The following PIGK variants were observed in gnomAD, a reference collection of about 807,000 sequenced individuals.
The protein encoded by PIGK is GPI-anchor transamidase.
A neutral mutation model predicts 50.6 loss-of-function variants in PIGK; 42 were observed. The observed-to-expected ratio is 0.83, with a 90% confidence interval of 0.65 to 1.07. PIGK has a LOEUF of 1.07. Ranked by LOEUF, PIGK falls within the 50% of genes least tolerant of loss-of-function variation. The probability of loss-of-function intolerance (pLI) is 0.00; values close to 1 mark genes in which losing one functional copy is unlikely to be tolerated. For synonymous variants in PIGK, 151 were observed against 156.0 expected, an observed-to-expected ratio of 0.97 and a Z score of 0.24; for missense variants, 448 against 488.7, an observed-to-expected ratio of 0.92 and a Z score of 0.78.
chr1:77,161,823 C>A, intron 6 of PIGK, 112 bp from the exon 7 acceptor site: 1 of 667,176 alleles, frequency 1.5e-6, no homozygotes, highest in East Asian at 2.5e-5. Context: ...ATTTCATTAG[C>A]TAAAAGTTTT....
chr1:77,177,481 A>G (rs1357499979), intron 3 of PIGK, among the ~76,000 whole-genome samples: 1 of 152,250 alleles, frequency 6.6e-6, no homozygotes, highest in Non-Finnish European at 1.5e-5. Context: ...TAACTAGCCA[A>G]AGCCCATCCC....
intron 3 of PIGK, among the ~76,000 whole-genome samples, chr1:77,191,868 A>G (rs979733570): frequency 2.0e-5 from 3 of 152,232 alleles, no homozygotes; most frequent in Non-Finnish European, 4.4e-5. Context: ...TCTACAAAAA[A>G]TACAAAAATT....
At chr1:77,158,921 G>C (rs953936447) in intron 8 of PIGK, among the ~76,000 whole-genome samples, 5 of 152,194 alleles carry the variant, frequency 3.3e-5, no homozygotes, top group African/African-American at 1.2e-4. Flanking sequence ...TTTCTGAGGA[G>C]AAATTCAAGC....
chr1:77,147,059 T>C (rs1476675692), intron 9 of PIGK, among the ~76,000 whole-genome samples: 2 of 149,180 alleles, frequency 1.3e-5, no homozygotes, highest in Non-Finnish European at 3.0e-5. Flanking sequence ...GGAAGAAAAA[T>C]AGGTTTAATG....
At chr1:77,189,517 G>T (rs1055825787) in intron 3 of PIGK, among the ~76,000 whole-genome samples, 2 of 151,822 alleles carry the variant, frequency 1.3e-5, no homozygotes, top group African/African-American at 4.8e-5. Context: ...AGAAAAACAT[G>T]AAAGACTAGA....
intron 8 of PIGK, 123 bp from the exon 9 acceptor site, chr1:77,154,744 T>C: frequency 1.5e-6 from 1 of 661,236 alleles, no homozygotes; most frequent in Non-Finnish European, 2.6e-6. Flanking sequence ...AGAAGCTATG[T>C]GTTCTAAAGA....
At chr1:77,218,071 CTT>C (rs1171738020) in intron 1 of PIGK, among the ~76,000 whole-genome samples, 2 of 152,024 alleles carry the variant, frequency 1.3e-5, no homozygotes, top group African/African-American at 4.8e-5. Flanking sequence ...TGCTCAATAT[CTT>C]TTTTTAACTG....
intron 9 of PIGK, among the ~76,000 whole-genome samples, chr1:77,151,732 A>G (rs1458112612): frequency 6.6e-6 from 1 of 152,144 alleles, no homozygotes; most frequent in Non-Finnish European, 1.5e-5. Context: ...CAAGAAAGCA[A>G]TCTCACTTGC....
At chr1:77,167,703 C>G (rs1435627253) in intron 4 of PIGK, among the ~76,000 whole-genome samples, 1 of 152,172 alleles carries the variant, frequency 6.6e-6, no homozygotes, top group Non-Finnish European at 1.5e-5. Context: ...TATGACATGG[C>G]CACTATACTC....
intron 1 of PIGK, among the ~76,000 whole-genome samples, chr1:77,217,611 T>C (rs1656598862): frequency 6.6e-6 from 1 of 152,166 alleles, no homozygotes; most frequent in African/African-American, 2.4e-5. Context: ...TTACTCTGGC[T>C]TCAATTTGGA....
intron 9 of PIGK, among the ~76,000 whole-genome samples, chr1:77,148,765 A>T (rs1257388457): frequency 6.7e-6 from 1 of 150,118 alleles, no homozygotes; most frequent in Non-Finnish European, 1.5e-5. Context: ...GCCAAGCTGG[A>T]GTGCAGTGGC....
intron 8 of PIGK, among the ~76,000 whole-genome samples, chr1:77,158,173 T>A (rs1047746025): frequency 6.6e-6 from 1 of 151,928 alleles, no homozygotes; most frequent in Admixed American, 6.6e-5. Flanking sequence ...TGTGCCACCA[T>A]GCCCAGCTAA....
At chr1:77,191,151 CT>C (rs1655894756) in intron 3 of PIGK, among the ~76,000 whole-genome samples, 1 of 152,202 alleles carries the variant, frequency 6.6e-6, no homozygotes, top group African/African-American at 2.4e-5. Flanking sequence ...AAGTTACTAT[CT>C]TTCTGATCAT....
In PIGK at chr1:77,195,324, G is replaced by A. The variant is rs903227977; in HGVS notation, c.239+11316C>T. 1.4e-5 allele frequency: 18 copies of A among 1,327,582 alleles called. No individual in the cohort carries two copies. The African/African-American group carries it at 2.5e-4, about 18-fold the overall frequency. The allele number at this position is 1,327,582 out of a possible 1,614,324, so 82.2% of individuals were successfully genotyped here. On this transcript the variant is annotated intron_variant, in intron 3 of 10. Transcript: ENST00000370812. ...GGAAGAAAGGCTGTTTTCAGGGCAA[G>A]ACCACCAAGTTGAGCCAGCGGGCGG...
At chr1:77,216,507 CAT>C (rs1250467781) in intron 1 of PIGK, among the ~76,000 whole-genome samples, 1 of 152,134 alleles carries the variant, frequency 6.6e-6, no homozygotes, top group Non-Finnish European at 1.5e-5. Context: ...AAGGCAATAA[CAT>C]AGTATTTCAC....
intron 9 of PIGK, among the ~76,000 whole-genome samples, chr1:77,148,959 C>A (rs1400543739): frequency 6.6e-6 from 1 of 151,426 alleles, no homozygotes; most frequent in Non-Finnish European, 1.5e-5. Context: ...TAGTGATCTG[C>A]CCACCTTGGC....
intron 3 of PIGK, among the ~76,000 whole-genome samples, chr1:77,177,011 C>T (rs2202164): frequency 2.6e-5 from 4 of 152,160 alleles, no homozygotes; most frequent in Admixed American, 2.6e-4. Flanking sequence ...AGCTTCAGCT[C>T]CATTTGGTTA....
intron 3 of PIGK, among the ~76,000 whole-genome samples, chr1:77,184,354 G>C (rs1310335446): frequency 6.6e-6 from 1 of 152,104 alleles, no homozygotes; most frequent in East Asian, 1.9e-4. Flanking sequence ...TTGCAGACTT[G>C]AGCCAGTTTA....
At chr1:77,217,830 C>G (rs896237645) in intron 1 of PIGK, among the ~76,000 whole-genome samples, 10 of 152,044 alleles carry the variant, frequency 6.6e-5, no homozygotes, top group African/African-American at 2.4e-4. Context: ...TTTACTGTAT[C>G]TTAGCACATG....
Sources: allele counts gnomAD v4.1 joint callset (sites outside exome capture counted in the v4.1 genomes callset), GRCh38; gene constraint gnomAD v4.1.1; transcripts MANE v1.5; gene names NCBI Gene and HGNC (gene_info 2026-07-23, HGNC 2026-07-21).